Variants in NOMO3 observed in about 807,000 individuals in gnomAD.
NOMO3 encodes the protein BOS complex subunit NOMO3.
In NOMO3, 15 loss-of-function variants were observed where a neutral mutation model predicts 69.9. That is an observed-to-expected ratio of 0.21 (90% CI 0.14 to 0.33). The LOEUF (loss-of-function observed/expected upper bound fraction) is 0.33, where lower values mean the gene tolerates loss of function less well. Ranked by LOEUF, NOMO3 falls within the 10% of genes least tolerant of loss-of-function variation. NOMO3 has a pLI of 1.00. For synonymous variants in NOMO3, 89 were observed against 301.9 expected (o/e 0.29, Z 7.31); for missense variants, 218 against 761.0 (o/e 0.29, Z 8.39).
At chr16:16,260,622 A>G (rs2049556176) in intron 11 of NOMO3, among the ~76,000 whole-genome samples, 1 of 142,516 alleles carries the variant, frequency 7.0e-6, no homozygotes, top group African/African-American at 2.9e-5. Flanking sequence ...TCAGAATCCA[A>G]CATTCTTGAT....
intron 5 of NOMO3, among the ~76,000 whole-genome samples, chr16:16,246,535 A>G (rs2049417793): frequency 7.6e-6 from 1 of 130,960 alleles, no homozygotes; most frequent in Non-Finnish European, 1.6e-5. Flanking sequence ...TATGAAAATG[A>G]AATAGAACCT....
chr16:16,236,267 C>T (rs1217192430), intron 1 of NOMO3, among the ~76,000 whole-genome samples: 4 of 144,464 alleles, frequency 2.8e-5, no homozygotes, highest in African/African-American at 5.6e-5. Context: ...ATTTTTGAGA[C>T]GGAGTCTTGC....
chr16:16,258,992 G>A (rs1347995635), intron 11 of NOMO3, among the ~76,000 whole-genome samples: 1 of 142,848 alleles, frequency 7.0e-6, no homozygotes, highest in Non-Finnish European at 1.5e-5. Context: ...GTGAATGGAG[G>A]GGCCAGATAT....
At position 16,237,006 on chromosome 16, in the gene NOMO3, T is replaced by G. The variant is rs780776803; in HGVS notation, c.255+16T>G. 5.4e-5 allele frequency: 86 copies of G among 1,583,926 alleles called. 4 individuals are homozygous for G. The highest frequency in any genetic ancestry group is 6.9e-5 in the Non-Finnish European group (81 of 1,170,492). The stretch of plus-strand genomic sequence containing the variant: ...GTATGATAAGGTAAGAGGGGACTGC[T>G]TGTCACTTATGATGGGAAGTCACTA... On this transcript the variant is annotated intron_variant, in intron 2 of 30. Coordinates refer to ENST00000399336, the MANE Select transcript of NOMO3 (RefSeq NM_001004067.4).
intron 11 of NOMO3, among the ~76,000 whole-genome samples, chr16:16,259,177 C>G (rs1473444717): frequency 7.0e-6 from 1 of 143,754 alleles, no homozygotes; most frequent in Non-Finnish European, 1.5e-5. Flanking sequence ...GGAGGCGGTG[C>G]TGTTCACGGA....
chr16:16,239,331 T>C lies in NOMO3; in HGVS notation c.256-520T>C, dbSNP rs1261406232. 2.1e-5 allele frequency among the ~76,000 whole-genome samples: 3 copies of C among 142,490 alleles called. 1 individual carries two copies. The highest frequency in any genetic ancestry group is 4.5e-5 in the Non-Finnish European group (3 of 67,216). The allele number at this position is 142,490 out of a possible 152,430, so 93.5% of individuals were successfully genotyped here. On this transcript the variant is annotated intron_variant, in intron 2 of 30. Coordinates refer to ENST00000399336, the MANE Select transcript of NOMO3 (RefSeq NM_001004067.4). ...ACACCCAGCTAATTTTTTAAGAACATTTTTTGTACAGATGGGGTCTTGCTA... is the reference window on the plus strand; with the variant it reads ...ACACCCAGCTAATTTTTTAAGAACACTTTTTGTACAGATGGGGTCTTGCTA...
chr16:16,262,963 G>A, intron 12 of NOMO3, 111 bp from the exon 13 acceptor site: 1 of 1,508,228 alleles, frequency 6.6e-7, no homozygotes, highest in Non-Finnish European at 8.8e-7. Context: ...CGAACCTTTG[G>A]CCTTCAAAAT....
At position 16,269,575 on chromosome 16, in the gene NOMO3, G is replaced by T. The variant is rs1164650755; in HGVS notation, c.1895-546G>T. On this transcript the variant is annotated intron_variant, in intron 16 of 30. Transcript: ENST00000399336. ...AATGATGATTTGGGGGAAATACATT[G>T]TTATTCCTTGTATCTTCCTGAAATT... Among the ~76,000 whole-genome samples, 2 of 139,530 alleles carry T rather than the reference G, an allele frequency of 1.4e-5. 1 individual carries two copies. The highest frequency in any genetic ancestry group is 6.1e-5 in the African/African-American group (2 of 32,580). 91.5% of individuals were successfully genotyped at this position (139,530 alleles called of 152,430 possible). A position where few individuals can be genotyped will look rare whatever the true frequency, so the allele number is the denominator to read the frequency against.
In NOMO3 at chr16:16,236,139, G is replaced by C. The variant is rs1168712864; in HGVS notation, c.166-762G>C. The C allele has an allele frequency of 1.9e-5, 3 of 161,516 alleles. 1 individual carries two copies. The highest frequency in any genetic ancestry group is 5.4e-5 in the African/African-American group (2 of 37,012). The allele number at this position is 161,516 out of a possible 1,614,324, so 10.0% of individuals were successfully genotyped here. On this transcript the variant is annotated intron_variant, in intron 1 of 30. Coordinates refer to ENST00000399336, the MANE Select transcript of NOMO3 (RefSeq NM_001004067.4). ...AGTTTCTAGATGAATGTTGCTCCAA[G>C]TATTTGAAATTATTCAGAGTTAGTA...
chr16:16,252,304 A>G (rs2049470266), intron 8 of NOMO3, 129 bp from the exon 9 acceptor site: 2 of 1,505,462 alleles, frequency 1.3e-6, no homozygotes, highest in Non-Finnish European at 1.8e-6. Context: ...CAAATCTGCA[A>G]CAGTTATGAT....
chr16:16,260,365 A>C (rs957649742), intron 11 of NOMO3, among the ~76,000 whole-genome samples: 1 of 141,036 alleles, frequency 7.1e-6, no homozygotes, highest in African/African-American at 3.0e-5. Context: ...TAAGAGTGTA[A>C]AATTCTTTTT....
chr16:16,239,446 G>A (rs1439797772), intron 2 of NOMO3, among the ~76,000 whole-genome samples: 1 of 147,050 alleles, frequency 6.8e-6, no homozygotes, highest in African/African-American at 2.7e-5. Context: ...GTGAGGTACT[G>A]TGCCTGGCCA....
At position 16,263,493 on chromosome 16, in the gene NOMO3, C is replaced by G. The variant is rs1447243573; in HGVS notation, c.1538-20C>G. 2 of 1,073,176 alleles carry G rather than the reference C, an allele frequency of 1.9e-6. No individual in the cohort carries two copies. The highest frequency in any genetic ancestry group is 2.6e-6 in the Non-Finnish European group (2 of 782,414). The allele number at this position is 1,073,176 out of a possible 1,614,324, so 66.5% of individuals were successfully genotyped here. A position where few individuals can be genotyped will look rare whatever the true frequency, so the allele number is the denominator to read the frequency against. ...GCCTTATAAGGGGTCACATGGAGCCCTCCCTTCTTTTCCCTGCAGACACCT... is the reference window on the plus strand; with the variant it reads ...GCCTTATAAGGGGTCACATGGAGCCGTCCCTTCTTTTCCCTGCAGACACCT... On this transcript the variant is annotated intron_variant, in intron 13 of 30. Coordinates refer to ENST00000399336, the MANE Select transcript of NOMO3 (RefSeq NM_001004067.4).
At chr16:16,259,009 G>A (rs1352594104) in intron 11 of NOMO3, among the ~76,000 whole-genome samples, 2 of 142,714 alleles carry the variant, frequency 1.4e-5, no homozygotes, top group Non-Finnish European at 3.0e-5. Flanking sequence ...ATATGAGGCA[G>A]TCATGGTTGT....
At chr16:16,268,373 C>T (rs1433945956) in intron 16 of NOMO3, among the ~76,000 whole-genome samples, 2 of 146,102 alleles carry the variant, frequency 1.4e-5, no homozygotes, top group East Asian at 4.3e-4. Flanking sequence ...ACGAGGGTTC[C>T]GGTTTCTTCA....
chr16:16,265,222 C>G, intron 15 of NOMO3, 43 bp downstream of exon 15: 1 of 1,588,914 alleles, frequency 6.3e-7, no homozygotes, highest in Non-Finnish European at 8.5e-7. Flanking sequence ...AAAGCGCTTG[C>G]CTTGTGGATG....
chr16:16,234,981 T>C (rs2049315212), intron 1 of NOMO3, among the ~76,000 whole-genome samples: 1 of 152,052 alleles, frequency 6.6e-6, no homozygotes, highest in Admixed American at 6.5e-5. Flanking sequence ...GAATGTCCCT[T>C]GATGTTGCCT....
chr16:16,239,210 GCACAATTATGGTT>G (rs1216691488), intron 2 of NOMO3, among the ~76,000 whole-genome samples: 1 of 144,588 alleles, frequency 6.9e-6, no homozygotes, highest in Admixed American at 6.7e-5. Flanking sequence ...GAGTGCAGGG[GCACAATTATGGTT>G]CACTGCAGCA....
At position 16,238,591 on chromosome 16, in the gene NOMO3, T is replaced by C. The variant is rs1259538492; in HGVS notation, c.256-1260T>C. ...TGTCAGAGTCAAACCCAAACTGTAA[T>C]TTATTTAACTACTTGGACATATAGA... On this transcript the variant is annotated intron_variant, in intron 2 of 30. Coordinates refer to ENST00000399336, the MANE Select transcript of NOMO3 (RefSeq NM_001004067.4). Among the ~76,000 whole-genome samples the C allele has an allele frequency of 8.4e-5, 12 of 143,226 alleles. 2 individuals are homozygous for C. The highest frequency in any genetic ancestry group is 3.1e-4 in the African/African-American group (11 of 35,034). The allele number at this position is 143,226 out of a possible 152,430, so 94.0% of individuals were successfully genotyped here.
Sources: allele counts gnomAD v4.1 joint callset (sites outside exome capture counted in the v4.1 genomes callset), GRCh38; gene constraint gnomAD v4.1.1; transcripts MANE v1.5; gene names NCBI Gene and HGNC (gene_info 2026-07-23, HGNC 2026-07-21).